ARHGAP10: variants seen among roughly 807,000 people sequenced by gnomAD.
ARHGAP10 encodes rho GTPase-activating protein 10.
A neutral mutation model predicts 108.6 loss-of-function variants in ARHGAP10; 87 were observed. The ratio of observed to expected loss-of-function variants is 0.80; its 90% CI spans 0.67 to 0.96. The LOEUF is 0.96. Ranked by LOEUF, ARHGAP10 falls within the 40% of genes least tolerant of loss-of-function variation. The probability of loss-of-function intolerance (pLI) is 0.00; values close to 1 mark genes in which losing one functional copy is unlikely to be tolerated. For synonymous variants in ARHGAP10, 347 were observed against 341.1 expected (o/e 1.02, Z -0.19); for missense variants, 939 against 954.5 (o/e 0.98, Z 0.21).
At chr4:147,926,062 G>T (rs1374569749) in intron 13 of ARHGAP10, among the ~76,000 whole-genome samples, 1 of 152,198 alleles carries the variant, frequency 6.6e-6, no homozygotes, top group African/African-American at 2.4e-5. Context: ...ATGCTGGGGT[G>T]GTGTTGGTAG....
intron 1 of ARHGAP10, among the ~76,000 whole-genome samples, chr4:147,814,291 CT>C (rs551403261): frequency 0.044 from 6,280 of 141,646 alleles, 415 homozygotes; most frequent in African/African-American, 0.14. Context: ...TAGGATGCAT[CT>C]TTTTTTTTTT....
At chr4:147,880,937 A>G (rs1735303816) in intron 9 of ARHGAP10, among the ~76,000 whole-genome samples, 1 of 152,258 alleles carries the variant, frequency 6.6e-6, no homozygotes, top group Non-Finnish European at 1.5e-5. Flanking sequence ...AGAGACTAAC[A>G]GTATTCCAGT....
At chr4:147,997,944 A>T (rs1740543217) in intron 18 of ARHGAP10, among the ~76,000 whole-genome samples, 1 of 152,228 alleles carries the variant, frequency 6.6e-6, no homozygotes, top group Non-Finnish European at 1.5e-5. Context: ...AAACCTTAAA[A>T]ATTATAGAAT....
chr4:148,032,485 G>C (rs1728197290), intron 19 of ARHGAP10, among the ~76,000 whole-genome samples: 1 of 151,770 alleles, frequency 6.6e-6, no homozygotes. Flanking sequence ...AACTGCTGTA[G>C]GTATATGCCA....
chr4:147,983,564 A>G (rs1431566688), intron 18 of ARHGAP10, among the ~76,000 whole-genome samples: 2 of 151,530 alleles, frequency 1.3e-5, no homozygotes, highest in Non-Finnish European at 2.9e-5. Flanking sequence ...TGAGTTCTGA[A>G]ATTCTTTCTT....
rs375188932 is a variant in ARHGAP10 at position 147,965,126 on chromosome 4, C to A, written c.1553C>A (p.Thr518Lys). The part of the protein sequence containing the change: ...EMLDILVKHL[T>K]NVSNHSKQNL... Reference sequence around the variant, plus strand: ...TTGGATATTTTGGTGAAACACTTAACAAAGTAAGCCTCTTTTTCTTCGTTT... The same window carrying A: ...TTGGATATTTTGGTGAAACACTTAAAAAAGTAAGCCTCTTTTTCTTCGTTT... The change falls in exon 17 of 23, where the codon ACA becomes AAA. Residue 518 changes from threonine to lysine, a missense_variant. Transcript: ENST00000336498. 5.4e-5 allele frequency: 86 copies of A among 1,595,042 alleles called. No homozygotes were observed. Among genetic ancestry groups the A allele is most frequent in the African/African-American group, 5.1e-4 (38 of 74,112 alleles).
At chr4:147,885,205 C>T (rs532370250) in intron 10 of ARHGAP10, among the ~76,000 whole-genome samples, 24 of 152,194 alleles carry the variant, frequency 1.6e-4, no homozygotes, top group Middle Eastern at 6.8e-3. Context: ...AGTTCATTTT[C>T]ATACTGCTAT....
At chr4:147,919,254 A>C (rs1263553885) in intron 13 of ARHGAP10, among the ~76,000 whole-genome samples, 1 of 152,218 alleles carries the variant, frequency 6.6e-6, no homozygotes, top group Admixed American at 6.5e-5. Flanking sequence ...GGATATTAAT[A>C]TATTTTGGTA....
At chr4:147,753,855 C>T (rs1729265208) in intron 1 of ARHGAP10, among the ~76,000 whole-genome samples, 1 of 152,170 alleles carries the variant, frequency 6.6e-6, no homozygotes, top group African/African-American at 2.4e-5. Context: ...AATAATTCCA[C>T]ATGTATGAGA....
chr4:147,800,818 T>C (rs1195863508), intron 1 of ARHGAP10, among the ~76,000 whole-genome samples: 4 of 152,202 alleles, frequency 2.6e-5, no homozygotes, highest in Admixed American at 2.6e-4. Flanking sequence ...ATTTTTTTCC[T>C]TTTTCTTTTT....
intron 13 of ARHGAP10, among the ~76,000 whole-genome samples, chr4:147,937,226 T>G (rs1737988543): frequency 6.6e-6 from 1 of 151,626 alleles, no homozygotes. Context: ...AGGGTTAATT[T>G]CTTCTGAGGC....
At chr4:147,867,951 C>T (rs1734637279) in intron 7 of ARHGAP10, among the ~76,000 whole-genome samples, 2 of 135,538 alleles carry the variant, frequency 1.5e-5, no homozygotes, top group African/African-American at 5.4e-5. Flanking sequence ...ATGTACAGTT[C>T]CTTATACTAA....
chr4:147,936,505 A>G (rs1737947436), intron 13 of ARHGAP10, among the ~76,000 whole-genome samples: 1 of 149,990 alleles, frequency 6.7e-6, no homozygotes, highest in Non-Finnish European at 1.5e-5. Context: ...ATTTTTTTGT[A>G]TTTTTAGTAG....
intron 22 of ARHGAP10, among the ~76,000 whole-genome samples, chr4:148,067,867 T>A (rs1376746626): frequency 1.3e-5 from 2 of 152,174 alleles, no homozygotes; most frequent in African/African-American, 4.8e-5. Flanking sequence ...TGTTCTTTGC[T>A]CTTACTGGGT....
intron 3 of ARHGAP10, among the ~76,000 whole-genome samples, chr4:147,830,122 A>G (rs764803382): frequency 2.0e-5 from 3 of 152,202 alleles, no homozygotes; most frequent in East Asian, 1.9e-4. Flanking sequence ...CCCTTTGCCT[A>G]TGCAGACTCT....
At chr4:148,057,636 C>T (rs966253384) in intron 20 of ARHGAP10, among the ~76,000 whole-genome samples, 1 of 152,234 alleles carries the variant, frequency 6.6e-6, no homozygotes, top group African/African-American at 2.4e-5. Flanking sequence ...GCATCAGCTT[C>T]AGCATTAGCT....
intron 13 of ARHGAP10, among the ~76,000 whole-genome samples, chr4:147,924,419 A>G (rs1179383222): frequency 6.6e-6 from 1 of 152,164 alleles, no homozygotes; most frequent in East Asian, 1.9e-4. Context: ...TAACGCATCC[A>G]CAGAATAGAA....
At chr4:147,802,841 G>A (rs1200118611) in intron 1 of ARHGAP10, among the ~76,000 whole-genome samples, 1 of 152,218 alleles carries the variant, frequency 6.6e-6, no homozygotes, top group Non-Finnish European at 1.5e-5. Context: ...TGCATGTTCT[G>A]TTTTGCCGGT....
intron 1 of ARHGAP10, among the ~76,000 whole-genome samples, chr4:147,764,207 G>T (rs1416155049): frequency 6.6e-6 from 1 of 152,116 alleles, no homozygotes; most frequent in African/African-American, 2.4e-5. Context: ...GTCTGTTTGG[G>T]GTATTGATCG....
Sources: gnomAD v4.1 joint callset for allele counts (sites outside exome capture counted in the v4.1 genomes callset) on GRCh38, gnomAD v4.1.1 for gene constraint, MANE v1.5 for transcripts, NCBI Gene and HGNC (gene_info 2026-07-23, HGNC 2026-07-21) for gene names.